The following COL5A3 variants were observed in gnomAD, a reference collection of about 807,000 sequenced individuals.
COL5A3 encodes collagen type V alpha 3 chain.
In COL5A3, 172 loss-of-function variants were observed where a neutral mutation model predicts 250.0. The ratio of observed to expected loss-of-function variants is 0.69; its 90% CI spans 0.61 to 0.78. The LOEUF is 0.78. Among genes scored for constraint, COL5A3 ranks in the 30% least tolerant of loss-of-function variants. COL5A3 has a pLI of 0.00. For missense variants in COL5A3, 2,340 were observed against 2,334.4 expected, an observed-to-expected ratio of 1.00 and a Z score of -0.05; for synonymous variants, 937 against 900.4, an observed-to-expected ratio of 1.04 and a Z score of -0.73.
chr19:9,974,466 G>A, intron 45 of COL5A3, 58 bp from the exon 46 acceptor site: 1 of 1,319,332 alleles, frequency 7.6e-7, no homozygotes, highest in Non-Finnish European at 1.0e-6. Flanking sequence ...AGGGCAGAGT[G>A]AGGCTCAAGG....
rs1229006216 is a variant in COL5A3 at position 9,978,896 on chromosome 19, C to G, written c.2959G>C (p.Asp987His). The G allele has an allele frequency of 3.4e-6, 5 of 1,472,372 alleles. No homozygotes were observed. Among genetic ancestry groups the G allele is most frequent in the Non-Finnish European group, 4.5e-6 (5 of 1,112,544 alleles). The allele number at this position is 1,472,372 out of a possible 1,614,324, so 91.2% of individuals were successfully genotyped here. A position where few individuals can be genotyped will look rare whatever the true frequency, so the allele number is the denominator to read the frequency against. The change falls in exon 40 of 67, where the codon GAC becomes CAC. Residue 987 changes from aspartate to histidine, a missense_variant. This residue lies in a region of COL5A3 where 1,179 missense variants were observed against 1,162.6 expected (regional missense o/e 1.01). Coordinates refer to ENST00000264828, the MANE Select transcript of COL5A3 (RefSeq NM_015719.4). ...GGGTCTCCAAAGATACTCACCGGGT[C>G]CCCAGGGCCCCCTTTGGGGCCGGGA... ...GFPGPKGGPG[D>H]PGPTGLKGDK...
chr19:9,972,753 T>A (rs532633592), intron 51 of COL5A3, among the ~76,000 whole-genome samples, 166 bp downstream of exon 51: 1 of 152,194 alleles, frequency 6.6e-6, no homozygotes, highest in South Asian at 2.1e-4. Context: ...GAAGAATCGC[T>A]TGAACCCGGA....
At chr19:9,976,099 T>A in intron 45 of COL5A3, among the ~76,000 whole-genome samples, 1 of 146,884 alleles carries the variant, frequency 6.8e-6, no homozygotes, top group Non-Finnish European at 1.5e-5. Flanking sequence ...GGGGAAGACA[T>A]GGTTCGACTG....
Position 9,995,559 on chromosome 19 carries a change from C to T in COL5A3, c.1587+5G>A. 3 of 1,607,444 alleles carry T rather than the reference C, an allele frequency of 1.9e-6. No homozygotes were observed. Among genetic ancestry groups the T allele is most frequent in the African/African-American group, 1.3e-5 (1 of 74,840 alleles). ...GGGTGGTCTGGGGACCTAGCTGTCA[C>T]TCACCATCTTGCCCACTCGGCCAGG... On this transcript the variant is annotated splice_donor_5th_base_variant and intron_variant, in intron 16 of 66. Transcript: ENST00000264828.
Position 9,993,746 on chromosome 19 carries a change from C to T in COL5A3, c.1641+7G>A, listed in dbSNP as rs761190961. 1.2e-6 allele frequency: 2 copies of T among 1,614,060 alleles called. No homozygotes were observed. Among genetic ancestry groups the T allele is most frequent in the Admixed American group, 1.7e-5 (1 of 60,006 alleles). The stretch of plus-strand genomic sequence containing the variant: ...CACCAAGTCTTATCTCAGCCCCCAT[C>T]ACCTACCTTAGGTCCAGTGTCCCCT... On this transcript the variant is annotated splice_region_variant and intron_variant, in intron 17 of 66. Transcript: ENST00000264828.
chr19:10,005,825 G>A lies in COL5A3; in HGVS notation c.408C>T (p.Leu136=). 6.2e-7 allele frequency: 1 copy of A among 1,612,836 alleles called. No homozygotes were observed. The highest frequency in any genetic ancestry group is 8.5e-7 in the Non-Finnish European group (1 of 1,179,468). The stretch of plus-strand genomic sequence containing the variant: ...CATCTGTGAGGTTGACCTGCTGGGG[G>A]AGGGGGCGGAAGGGGTCACCTAGGA... ...LGLLGDPFRP[L]PQQVNLTDGR... Residue 136 remains leucine (L), a synonymous_variant, in exon 3 of 67, where the codon CTC becomes CTT. Transcript: ENST00000264828.
intron 47 of COL5A3, 84 bp downstream of exon 47, chr19:9,974,087 A>G: frequency 6.5e-7 from 1 of 1,527,588 alleles, no homozygotes; most frequent in South Asian, 1.2e-5. Flanking sequence ...TAAAATGACA[A>G]TGTCCCTCAA....
chr19:9,986,611 G>T lies in COL5A3; in HGVS notation c.2191-5C>A. ...GCCTGGGAAGCCGTCCTCTCCCTGG[G>T]TGGGAGAGACAGAGGCCAGAAGTGA... On this transcript the variant is annotated splice_region_variant and splice_polypyrimidine_tract_variant and intron_variant, in intron 28 of 66. Transcript: ENST00000264828. 1.2e-6 allele frequency: 2 copies of T among 1,613,830 alleles called. No individual in the cohort carries two copies. The highest frequency in any genetic ancestry group is 1.7e-6 in the Non-Finnish European group (2 of 1,179,878).
At chr19:10,006,496 C>T (rs1477495338) in intron 1 of COL5A3, among the ~76,000 whole-genome samples, 1 of 151,896 alleles carries the variant, frequency 6.6e-6, no homozygotes, top group East Asian at 1.9e-4. Context: ...AAAAAGTTGA[C>T]CTAGTTCTGG....
In COL5A3 at chr19:10,010,431, G is replaced by A; in HGVS notation, c.-46C>T. Reference sequence around the variant, plus strand: ...AGGCGGGGAACCAGTCGGGGCGGCTGCGGGGCGCGGCGACTTCTCGGGCTC... The same window carrying A: ...AGGCGGGGAACCAGTCGGGGCGGCTACGGGGCGCGGCGACTTCTCGGGCTC... On this transcript the variant is annotated 5_prime_UTR_variant, in exon 1 of 67. Transcript: ENST00000264828. 8.0e-7 allele frequency: 1 copy of A among 1,255,238 alleles called. No individual in the cohort carries two copies. Among genetic ancestry groups the A allele is most frequent in the Non-Finnish European group, 1.0e-6 (1 of 970,064 alleles). The allele number at this position is 1,255,238 out of a possible 1,614,324, so 77.8% of individuals were successfully genotyped here. A position where few individuals can be genotyped will look rare whatever the true frequency, so the allele number is the denominator to read the frequency against.
At chr19:9,983,854 G>GAA (rs58267123) in intron 31 of COL5A3, among the ~76,000 whole-genome samples, 6,284 of 137,940 alleles carry the variant, frequency 0.046, 152 homozygotes, top group Middle Eastern at 0.075. Flanking sequence ...TCGTTAAAAA[G>GAA]AAAAAAAAAT....
chr19:9,977,559 G>T, intron 42 of COL5A3, 35 bp downstream of exon 42: 1 of 1,534,040 alleles, frequency 6.5e-7, no homozygotes. Context: ...CAGACCCTGA[G>T]GAGGCCCTAG....
intron 24 of COL5A3, among the ~76,000 whole-genome samples, chr19:9,989,974 A>T (rs2059849658): frequency 6.6e-6 from 1 of 150,960 alleles, no homozygotes; most frequent in South Asian, 2.1e-4. Flanking sequence ...CTGGTCTCAA[A>T]CTCCTGACCT....
At chr19:9,985,262 A>AT (rs61409571) in intron 31 of COL5A3, among the ~76,000 whole-genome samples, 197 of 128,162 alleles carry the variant, frequency 1.5e-3, no homozygotes, top group East Asian at 0.01. Flanking sequence ...CATCTGGCTA[A>AT]TTTTTTTTTT....
Position 9,960,346 on chromosome 19 carries a change from AAGCCTC to A in COL5A3, c.*59_*64del. ...GGTAACGAAAAATACGGTGGCTTCA[AAGCCTC>A]AGCACCAAATGCACCCCATTCTGGG... On this transcript the variant is annotated 3_prime_UTR_variant, in exon 67 of 67. Transcript: ENST00000264828. 6.3e-7 allele frequency: 1 copy of A among 1,597,774 alleles called. No individual in the cohort carries two copies. The highest frequency in any genetic ancestry group is 8.6e-7 in the Non-Finnish European group (1 of 1,169,080).
At chr19:9,989,545 G>T in intron 24 of COL5A3, 23 bp from the exon 25 acceptor site, 2 of 1,602,288 alleles carry the variant, frequency 1.2e-6, no homozygotes, top group Non-Finnish European at 1.7e-6. Context: ...GAACAGCAGG[G>T]GAGAGACAGA....
Position 9,992,896 on chromosome 19 carries a change from C to G in COL5A3, c.1795-16G>C. 1 of 1,613,548 alleles carries G rather than the reference C, an allele frequency of 6.2e-7. No homozygotes were observed. Among genetic ancestry groups the G allele is most frequent in the South Asian group, 1.1e-5 (1 of 91,054 alleles). ...CTCGTGGACCCTGCAAGGGAGCAGG[C>G]GAATTATTTCCACATCACCTCTGTG... On this transcript the variant is annotated splice_polypyrimidine_tract_variant and intron_variant, in intron 20 of 66. Coordinates refer to ENST00000264828, the MANE Select transcript of COL5A3 (RefSeq NM_015719.4).
At chr19:9,986,251 G>T in intron 30 of COL5A3, 64 bp downstream of exon 30, 1 of 1,149,808 alleles carries the variant, frequency 8.7e-7, no homozygotes, top group Non-Finnish European at 1.2e-6. Flanking sequence ...AAAGGGCAAA[G>T]GGCAGAGGGA....
intron 65 of COL5A3, among the ~76,000 whole-genome samples, chr19:9,961,988 C>T (rs1032057181): frequency 6.6e-6 from 1 of 152,078 alleles, no homozygotes; most frequent in Admixed American, 6.6e-5. Flanking sequence ...TTTATGAAAT[C>T]TAAATATAGA....
Sources: gnomAD v4.1 joint callset for allele counts (sites outside exome capture counted in the v4.1 genomes callset) on GRCh38, gnomAD v4.1.1 for gene constraint, gnomAD v4.1.1 regional missense constraint, MANE v1.5 for transcripts, NCBI Gene and HGNC (gene_info 2026-07-23, HGNC 2026-07-21) for gene names.